The following PCED1B variants were observed in gnomAD, a reference collection of about 807,000 sequenced individuals.
PCED1B encodes PC-esterase domain-containing protein 1B.
For synonymous variants in PCED1B, 251 were observed against 246.1 expected (o/e 1.02, Z -0.19); for missense variants, 573 against 573.9 (o/e 1.00, Z 0.02).
intron 1 of PCED1B, among the ~76,000 whole-genome samples, chr12:47,084,311 T>C (rs554054970): frequency 3.9e-5 from 6 of 152,352 alleles, no homozygotes; most frequent in African/African-American, 1.2e-4. Flanking sequence ...AATGATTGTA[T>C]GGGTACTTGA....
At chr12:47,164,987 C>T (rs1335568712) in intron 2 of PCED1B, among the ~76,000 whole-genome samples, 1 of 152,222 alleles carries the variant, frequency 6.6e-6, no homozygotes, top group Non-Finnish European at 1.5e-5. Context: ...TTCTGATCTC[C>T]TAGGCTTCCT....
At chr12:47,082,447 G>A (rs181074349) in intron 1 of PCED1B, among the ~76,000 whole-genome samples, 1 of 152,154 alleles carries the variant, frequency 6.6e-6, no homozygotes, top group Non-Finnish European at 1.5e-5. Flanking sequence ...CCTGGATCTG[G>A]TAGTACCTGA....
At chr12:47,091,652 C>G (rs556323500) in intron 1 of PCED1B, among the ~76,000 whole-genome samples, 2 of 152,204 alleles carry the variant, frequency 1.3e-5, no homozygotes, top group African/African-American at 4.8e-5. Context: ...AGATGTTCTA[C>G]TCTAGAAGTT....
At chr12:47,204,322 G>A (rs1310830693) in intron 2 of PCED1B, among the ~76,000 whole-genome samples, 1 of 151,992 alleles carries the variant, frequency 6.6e-6, no homozygotes. Flanking sequence ...GAATAGCATT[G>A]AATCTATAAA....
rs1479402562 is a variant in PCED1B at position 47,235,037 on chromosome 12, G to A, written c.-27G>A. On this transcript the variant is annotated 5_prime_UTR_variant, in exon 4 of 4. Coordinates refer to ENST00000546455, the MANE Select transcript of PCED1B (RefSeq NM_138371.3). ...CGCAGAGCCATCCTGTGCAAAGGAAGGAGCTAGGCTGTGCGCCCTGGGCGT... is the reference window on the plus strand; with the variant it reads ...CGCAGAGCCATCCTGTGCAAAGGAAAGAGCTAGGCTGTGCGCCCTGGGCGT... The A allele has an allele frequency of 2.7e-6, 4 of 1,507,744 alleles. No individual in the cohort carries two copies. The African/African-American group carries it at 4.2e-5, about 16-fold the overall frequency. The allele number at this position is 1,507,744 out of a possible 1,614,324, so 93.4% of individuals were successfully genotyped here.
intron 1 of PCED1B, among the ~76,000 whole-genome samples, chr12:47,092,117 G>A (rs1388591963): frequency 6.6e-6 from 1 of 152,048 alleles, no homozygotes; most frequent in Non-Finnish European, 1.5e-5. Context: ...ATAGATGAAT[G>A]TATTAATTTG....
chr12:47,221,279 C>T (rs1326698228), intron 3 of PCED1B, among the ~76,000 whole-genome samples: 1 of 151,818 alleles, frequency 6.6e-6, no homozygotes, highest in Non-Finnish European at 1.5e-5. Flanking sequence ...TCCCCTCCTC[C>T]CTAAGCTATA....
intron 2 of PCED1B, among the ~76,000 whole-genome samples, chr12:47,136,265 G>A (rs916592904): frequency 1.8e-4 from 28 of 151,992 alleles, no homozygotes; most frequent in African/African-American, 5.1e-4. Flanking sequence ...TTGAATGAGC[G>A]CTTTGTAAAT....
intron 2 of PCED1B, among the ~76,000 whole-genome samples, chr12:47,114,212 G>A (rs1213971489): frequency 6.6e-6 from 1 of 152,170 alleles, no homozygotes; most frequent in Admixed American, 6.5e-5. Flanking sequence ...GTGCCACTTA[G>A]AGGCTTATCT....
chr12:47,172,970 G>C (rs1297121563), intron 2 of PCED1B, among the ~76,000 whole-genome samples: 1 of 152,072 alleles, frequency 6.6e-6, no homozygotes, highest in Non-Finnish European at 1.5e-5. Context: ...TTTTTTGAGA[G>C]ACAAGTTGTT....
At chr12:47,125,614 T>C (rs916188832) in intron 2 of PCED1B, among the ~76,000 whole-genome samples, 1 of 152,038 alleles carries the variant, frequency 6.6e-6, no homozygotes, top group African/African-American at 2.4e-5. Context: ...GACATCTTAA[T>C]AGTACTGAAT....
Position 47,236,316 on chromosome 12 carries a change from C to T in PCED1B, c.1253C>T (p.Pro418Leu), listed in dbSNP as rs754832107. The T allele has an allele frequency of 6.8e-6, 11 of 1,612,118 alleles. No homozygotes were observed. The highest frequency in any genetic ancestry group is 8.5e-6 in the Non-Finnish European group (10 of 1,179,200). ...PYTPWGQRPRPSKRRAPANPE... is the reference protein window; with the variant it reads ...PYTPWGQRPRLSKRRAPANPE... ...ACGCCCTGGGGACAGCGGCCTCGACCTTCAAAGAGAAGGGCCCCAGCCAAT... is the reference window on the plus strand; with the variant it reads ...ACGCCCTGGGGACAGCGGCCTCGACTTTCAAAGAGAAGGGCCCCAGCCAAT... Residue 418 changes from proline to leucine, a missense_variant, in exon 4 of 4, where the codon CCT (proline) becomes CTT (leucine). By Grantham distance (98) the Pro-to-Leu change is moderately conservative. Coordinates refer to ENST00000546455, the MANE Select transcript of PCED1B (RefSeq NM_138371.3).
At chr12:47,146,687 T>A (rs759524157) in intron 2 of PCED1B, among the ~76,000 whole-genome samples, 2 of 152,222 alleles carry the variant, frequency 1.3e-5, no homozygotes, top group South Asian at 2.1e-4. Flanking sequence ...TACTTTTTTT[T>A]AGATACAATG....
chr12:47,177,338 T>C lies in PCED1B; in HGVS notation c.-525-38884T>C, dbSNP rs147362245. 1.4e-3 allele frequency among the ~76,000 whole-genome samples: 211 copies of C among 152,346 alleles called. 1 individual carries two copies. Among genetic ancestry groups the C allele is most frequent in the African/African-American group, 4.9e-3 (203 of 41,584 alleles). ...AAGGTTGTCAGGTTTTATTTCATCA[T>C]TGGCGAAATTGGAGAGAAATATCTC... On this transcript the variant is annotated intron_variant, in intron 2 of 3. Transcript: ENST00000546455.
In PCED1B at chr12:47,216,256, G is replaced by T. The variant is rs909888015; in HGVS notation, c.-491G>T. On this transcript the variant is annotated 5_prime_UTR_variant, in exon 3 of 4. Transcript: ENST00000546455. Reference sequence around the variant, plus strand: ...TACCACACCAGCAAGAACAATAAGAGCCAAGGGTCTGAATTGTTTAATCAA... The same window carrying T: ...TACCACACCAGCAAGAACAATAAGATCCAAGGGTCTGAATTGTTTAATCAA... 3 of 152,100 alleles carry T rather than the reference G, an allele frequency of 2.0e-5. No homozygotes were observed. The highest frequency in any genetic ancestry group is 7.2e-5 in the African/African-American group (3 of 41,390). 9.4% of individuals were successfully genotyped at this position (152,100 alleles called of 1,614,324 possible).
At chr12:47,121,035 T>C (rs1358747215) in intron 2 of PCED1B, among the ~76,000 whole-genome samples, 4 of 152,190 alleles carry the variant, frequency 2.6e-5, no homozygotes, top group African/African-American at 4.8e-5. Flanking sequence ...GGTATGTGGC[T>C]GCTTTCAGAG....
chr12:47,175,676 C>G (rs1941900125), intron 2 of PCED1B, among the ~76,000 whole-genome samples: 1 of 151,772 alleles, frequency 6.6e-6, no homozygotes, highest in African/African-American at 2.4e-5. Flanking sequence ...CAGGTTTAAG[C>G]AATTCTCCTG....
intron 2 of PCED1B, among the ~76,000 whole-genome samples, chr12:47,116,057 CATG>C (rs1427572207): frequency 6.6e-6 from 1 of 152,174 alleles, no homozygotes; most frequent in Admixed American, 6.5e-5. Context: ...TCAATTGTTT[CATG>C]ATTTCTATTA....
chr12:47,081,741 A>T (rs552915588), intron 1 of PCED1B, among the ~76,000 whole-genome samples: 6 of 152,346 alleles, frequency 3.9e-5, no homozygotes, highest in African/African-American at 1.4e-4. Flanking sequence ...AATGACTAAT[A>T]AATGACCAGG....
Sources: gnomAD v4.1 joint callset for allele counts (sites outside exome capture counted in the v4.1 genomes callset) on GRCh38, gnomAD v4.1.1 for gene constraint, MANE v1.5 for transcripts, NCBI Gene and HGNC (gene_info 2026-07-23, HGNC 2026-07-21) for gene names.